The following COL7A1 variants were observed in gnomAD, a reference collection of about 807,000 sequenced individuals.
COL7A1 encodes the protein collagen type VII alpha 1 chain.
Under a neutral mutation model 456.2 loss-of-function variants are expected in COL7A1, and 296 were observed. That is an observed-to-expected ratio of 0.65 (90% confidence interval 0.59 to 0.71). COL7A1 has a LOEUF of 0.71. Ranked by LOEUF, COL7A1 falls within the 30% of genes least tolerant of loss-of-function variation. The probability of loss-of-function intolerance (pLI) is 0.00; values close to 1 mark genes in which losing one functional copy is unlikely to be tolerated. For synonymous variants in COL7A1, 1,464 were observed against 1,525.9 expected, an observed-to-expected ratio of 0.96 and a Z score of 0.95; for missense variants, 3,441 against 4,017.2, an observed-to-expected ratio of 0.86 and a Z score of 3.88.
At chr3:48,577,487 T>C (rs1173443394) in intron 65 of COL7A1, among the ~76,000 whole-genome samples, 1 of 152,248 alleles carries the variant, frequency 6.6e-6, no homozygotes, top group Non-Finnish European at 1.5e-5. Context: ...TTGGCATCTG[T>C]CTGCAACTCT....
rs148813404 is a variant in COL7A1, at chr3:48,579,790, C to T, written c.5149G>A (p.Glu1717Lys). 87 of 1,614,006 alleles carry T rather than the reference C, an allele frequency of 5.4e-5. No homozygotes were observed. The highest frequency in any genetic ancestry group is 6.5e-5 in the Non-Finnish European group (77 of 1,180,044). The change falls in exon 58 of 119, where the codon GAG becomes AAG. Residue 1717 changes from glutamate (E) to lysine (K), a missense_variant. By Grantham distance (56) the Glu-to-Lys change is moderately conservative. Coordinates refer to ENST00000681320, the MANE Select transcript of COL7A1 (RefSeq NM_000094.4). This position sits in a 1 kb window ranked among gnomAD's most constrained non-coding sequence, Gnocchi z 4.4. The part of the protein sequence containing the change: ...RLVDTGPGAR[E>K]KGEPGDRGQE... Reference sequence around the variant, plus strand: ...CCACCCACAGACCCTAATACCTTCTCTCTGGCTCCAGGTCCTGTGTCTACC... The same window carrying T: ...CCACCCACAGACCCTAATACCTTCTTTCTGGCTCCAGGTCCTGTGTCTACC...
Position 48,578,367 on chromosome 3 carries a change from T to C in COL7A1, c.5488-2A>G. The C allele has an allele frequency of 6.2e-7, 1 of 1,613,314 alleles. No individual in the cohort carries two copies. Among genetic ancestry groups the C allele is most frequent in the Non-Finnish European group, 8.5e-7 (1 of 1,179,996 alleles). On this transcript the variant is annotated splice_acceptor_variant, in intron 64 of 118. Transcript: ENST00000681320. LOFTEE classifies it high-confidence loss of function. The surrounding 1 kb of genome is among the most constrained non-coding windows in gnomAD (Gnocchi z 4.7). Reference sequence around the variant, plus strand: ...TTTGCCATCCTCGCCTGGCTTTCCCTGTGGGAACAGATCACTGGTTGGATG... The same window carrying C: ...TTTGCCATCCTCGCCTGGCTTTCCCCGTGGGAACAGATCACTGGTTGGATG...
chr3:48,567,382 C>T lies in COL7A1; in HGVS notation c.8046+192G>A, dbSNP rs990798516. 2.3e-5 allele frequency: 22 copies of T among 946,304 alleles called. No individual in the cohort carries two copies. The highest frequency in any genetic ancestry group is 2.8e-5 in the South Asian group (2 of 71,516). 58.6% of individuals were successfully genotyped at this position (946,304 alleles called of 1,614,324 possible). ...CCTGCCCTGATGCACATGCCCCCTC[C>T]ACCTCCCATGCTTTCATCCTAACTC... On this transcript the variant is annotated intron_variant, in intron 109 of 118. Transcript: ENST00000681320. The surrounding 1 kb of genome is among the most constrained non-coding windows in gnomAD (Gnocchi z 4.3).
Position 48,570,591 on chromosome 3 carries a change from C to T in COL7A1, c.7344+48G>A, listed in dbSNP as rs746359233. The T allele has an allele frequency of 9.9e-6, 16 of 1,612,466 alleles. No individual in the cohort carries two copies. Among genetic ancestry groups the T allele is most frequent in the East Asian group, 2.2e-5 (1 of 44,860 alleles). ...TGGCCCGCCCCATCCTAAGTCCTCA[C>T]GAGGACAGGAAATCAAATACGTGGG... On this transcript the variant is annotated intron_variant, in intron 96 of 118. Transcript: ENST00000681320. This position sits in a 1 kb window ranked among gnomAD's most constrained non-coding sequence, Gnocchi z 5.5.
At position 48,579,157 on chromosome 3, in the gene COL7A1, TA is replaced by T; in HGVS notation, c.5388+39del. On this transcript the variant is annotated intron_variant, in intron 62 of 118. Transcript: ENST00000681320. This position sits in a 1 kb window ranked among gnomAD's most constrained non-coding sequence, Gnocchi z 4.4. ...GGTCTAGGGTCCTCATGTGAAGGGG[TA>T]GGGGAAGGGGACAACCAGGCAGGAC... 1 of 1,605,966 alleles carries T rather than the reference TA, an allele frequency of 6.2e-7. No individual in the cohort carries two copies. Among genetic ancestry groups the T allele is most frequent in the Non-Finnish European group, 8.5e-7 (1 of 1,174,958 alleles).
chr3:48,570,479 G>C lies in COL7A1; in HGVS notation c.7366C>G (p.Leu2456Val). The change falls in exon 97 of 119, where the codon CTC becomes GTC. Residue 2456 changes from leucine (L) to valine (V), a missense_variant. Physicochemically the swap from Leu to Val is conservative, Grantham distance 32. This residue lies in a region of COL7A1 where 2,084 missense variants were observed against 2,501.3 expected (regional missense o/e 0.83). Transcript: ENST00000681320. This position sits in a 1 kb window ranked among gnomAD's most constrained non-coding sequence, Gnocchi z 5.5. Reference protein sequence around the residue: ...GSVGPPGASGLKGDKGDPGVG... With the variant: ...GSVGPPGASGVKGDKGDPGVG... Reference sequence around the variant, plus strand: ...GTCCCACCTACCTTGTCTCCTTTGAGTCCAGAGGCCCCAGGTGGTCCCTGT... The same window carrying C: ...GTCCCACCTACCTTGTCTCCTTTGACTCCAGAGGCCCCAGGTGGTCCCTGT... The C allele has an allele frequency of 6.2e-7, 1 of 1,614,080 alleles. No homozygotes were observed. Among genetic ancestry groups the C allele is most frequent in the Non-Finnish European group, 8.5e-7 (1 of 1,179,986 alleles).
Position 48,587,413 on chromosome 3 carries a change from C to T in COL7A1, c.2992+7G>A. 6.2e-7 allele frequency: 1 copy of T among 1,613,230 alleles called. No individual in the cohort carries two copies. The highest frequency in any genetic ancestry group is 1.1e-5 in the South Asian group (1 of 91,084). ...CCAGCCCACCCAAATCCTGGCCTCC[C>T]CCTCACCCTGGCCAGGGCCTCTGAG... On this transcript the variant is annotated splice_region_variant and intron_variant, in intron 23 of 118. Coordinates refer to ENST00000681320, the MANE Select transcript of COL7A1 (RefSeq NM_000094.4). This position sits in a 1 kb window ranked among gnomAD's most constrained non-coding sequence, Gnocchi z 6.1.
Position 48,587,072 on chromosome 3 carries a change from G to A in COL7A1, c.3176C>T (p.Pro1059Leu), listed in dbSNP as rs1013050712. 1.2e-6 allele frequency: 2 copies of A among 1,611,360 alleles called. No individual in the cohort carries two copies. Among genetic ancestry groups the A allele is most frequent in the Non-Finnish European group, 1.7e-6 (2 of 1,178,890 alleles). The change falls in exon 25 of 119, where the codon CCA (proline) becomes CTA (leucine). Residue 1059 changes from proline to leucine, a missense_variant. By Grantham distance (98) the Pro-to-Leu change is moderately conservative. Transcript: ENST00000681320. This position sits in a 1 kb window ranked among gnomAD's most constrained non-coding sequence, Gnocchi z 6.1. Reference sequence around the variant, plus strand: ...GTGAGCATTGTCTTGAGTGGCATGTGGTAGGAACACCACATCCGCCAGGCC... The same window carrying A: ...GTGAGCATTGTCTTGAGTGGCATGTAGTAGGAACACCACATCCGCCAGGCC... ...PRGLADVVFLPHATQDNAHRA... is the reference protein window; with the variant it reads ...PRGLADVVFLLHATQDNAHRA...
Position 48,589,412 on chromosome 3 carries a change from C to T in COL7A1, c.2229G>A (p.Leu743=), listed in dbSNP as rs1233017546. 17 of 1,613,620 alleles carry T rather than the reference C, an allele frequency of 1.1e-5. No homozygotes were observed. The highest frequency in any genetic ancestry group is 1.4e-5 in the Non-Finnish European group (16 of 1,180,026). Residue 743 remains leucine, a synonymous_variant, in exon 18 of 119, where the codon CTG becomes CTA. Transcript: ENST00000681320. ...GCACCGTATACTCAGTATCTGGCTC[C>T]AGTCCATCCAGCTCAGCCACCGTGG... ...GEATVAELDG[L]EPDTEYTVHV...
chr3:48,581,782 G>A lies in COL7A1; in HGVS notation c.4669-23C>T. On this transcript the variant is annotated intron_variant, in intron 48 of 118. Coordinates refer to ENST00000681320, the MANE Select transcript of COL7A1 (RefSeq NM_000094.4). The surrounding 1 kb of genome is among the most constrained non-coding windows in gnomAD (Gnocchi z 5.8). Reference sequence around the variant, plus strand: ...TCCCTGGAGGTGACAAAGACCATCAGTGCTAGTCCCAGGCTCCAGTTAACC... The same window carrying A: ...TCCCTGGAGGTGACAAAGACCATCAATGCTAGTCCCAGGCTCCAGTTAACC... 1 of 1,614,044 alleles carries A rather than the reference G, an allele frequency of 6.2e-7. No homozygotes were observed. Among genetic ancestry groups the A allele is most frequent in the Non-Finnish European group, 8.5e-7 (1 of 1,179,990 alleles).
chr3:48,587,357 T>C lies in COL7A1; in HGVS notation c.2993-21A>G. 9 of 1,611,542 alleles carry C rather than the reference T, an allele frequency of 5.6e-6. No individual in the cohort carries two copies. The highest frequency in any genetic ancestry group is 7.6e-6 in the Non-Finnish European group (9 of 1,179,222). On this transcript the variant is annotated intron_variant, in intron 23 of 118. Transcript: ENST00000681320. The surrounding 1 kb of genome is among the most constrained non-coding windows in gnomAD (Gnocchi z 6.1). ...CACTTCTGCAGGAGACAGAACTTGA[T>C]TAAAAAGCTGTCTCCACAGAGCCCC...
rs776367301 is a variant in COL7A1 at position 48,569,801 on chromosome 3, G to A, written c.7522-41C>T. On this transcript the variant is annotated intron_variant, in intron 100 of 118. Transcript: ENST00000681320. The surrounding 1 kb of genome is among the most constrained non-coding windows in gnomAD (Gnocchi z 4.9). ...GTGTGAGTCCCGCCCAAACTGGGGAGGCCCCGCACCTGAATTCTAATATCA... is the reference window on the plus strand; with the variant it reads ...GTGTGAGTCCCGCCCAAACTGGGGAAGCCCCGCACCTGAATTCTAATATCA... The A allele has an allele frequency of 3.7e-6, 6 of 1,613,998 alleles. No homozygotes were observed. In the African/African-American group the frequency reaches 6.7e-5, roughly 18 times the overall value.
chr3:48,587,703 G>GGTACA lies in COL7A1; in HGVS notation c.2857+85_2857+89dup. ...CCAGGGTCAGAGGGTGAGGGGTAGGGGTACAGGAGGAGTCACTCAGAGTCG... is the reference window on the plus strand; with the variant it reads ...CCAGGGTCAGAGGGTGAGGGGTAGGGGTACAGTACAGGAGGAGTCACTCAGAGTCG... On this transcript the variant is annotated intron_variant, in intron 22 of 118. Transcript: ENST00000681320. The surrounding 1 kb of genome is among the most constrained non-coding windows in gnomAD (Gnocchi z 6.1). 3 of 1,604,634 alleles carry GGTACA rather than the reference G, an allele frequency of 1.9e-6. No homozygotes were observed. Among genetic ancestry groups the GGTACA allele is most frequent in the Non-Finnish European group, 2.6e-6 (3 of 1,172,342 alleles).
Position 48,587,493 on chromosome 3 carries a change from A to G in COL7A1, c.2919T>C (p.Thr973=), listed in dbSNP as rs2107757458. The change falls in exon 23 of 119, where the codon ACT becomes ACC. Residue 973 remains threonine (T), a synonymous_variant. Coordinates refer to ENST00000681320, the MANE Select transcript of COL7A1 (RefSeq NM_000094.4). This position sits in a 1 kb window ranked among gnomAD's most constrained non-coding sequence, Gnocchi z 6.1. ...CCCTGGACACTGGAGTCCAGGCCAA[A>G]GTCACCGAGTCGATCGAGGTGTCCA... ...RVVDTSIDSV[T]LAWTPVSRAS... is the part of the protein sequence containing the mutation. 1 of 1,613,402 alleles carries G rather than the reference A, an allele frequency of 6.2e-7. No individual in the cohort carries two copies. The highest frequency in any genetic ancestry group is 8.5e-7 in the Non-Finnish European group (1 of 1,180,028).
chr3:48,579,362 C>T lies in COL7A1; in HGVS notation c.5307+7G>A, dbSNP rs116455408. 6.2e-7 allele frequency: 1 copy of T among 1,614,092 alleles called. No individual in the cohort carries two copies. Among genetic ancestry groups the T allele is most frequent in the African/African-American group, 1.3e-5 (1 of 74,942 alleles). On this transcript the variant is annotated splice_region_variant and intron_variant, in intron 61 of 118. Transcript: ENST00000681320. This position sits in a 1 kb window ranked among gnomAD's most constrained non-coding sequence, Gnocchi z 4.4. Reference sequence around the variant, plus strand: ...TCATGTCCTGAGAAACCCCCACACCCTCTCACCTTTTCTCCTGCTGGGCCT... The same window carrying T: ...TCATGTCCTGAGAAACCCCCACACCTTCTCACCTTTTCTCCTGCTGGGCCT...
At position 48,595,066 on chromosome 3, in the gene COL7A1, G is replaced by A. The variant is rs756865365; in HGVS notation, c.85+9C>T. ...TGCCCCGGGCCGGGTCCTCCCTTGC[G>A]GTGCCCACCTCTCTCCCTGTGCTGG... On this transcript the variant is annotated intron_variant, in intron 2 of 118. Transcript: ENST00000681320. The A allele has an allele frequency of 1.3e-6, 2 of 1,547,334 alleles. No homozygotes were observed. Among genetic ancestry groups the A allele is most frequent in the Non-Finnish European group, 1.7e-6 (2 of 1,145,746 alleles).
At position 48,580,140 on chromosome 3, in the gene COL7A1, C is replaced by T; in HGVS notation, c.5098-83G>A. ...GGTTTGCCCCAGGCTCAACTCTGCC[C>T]CCAAGTTCCCCGAAGCACCCCAATG... On this transcript the variant is annotated intron_variant, in intron 56 of 118. Coordinates refer to ENST00000681320, the MANE Select transcript of COL7A1 (RefSeq NM_000094.4). The surrounding 1 kb of genome is among the most constrained non-coding windows in gnomAD (Gnocchi z 4.5). 1.9e-6 allele frequency: 3 copies of T among 1,576,774 alleles called. No individual in the cohort carries two copies. Among genetic ancestry groups the T allele is most frequent in the Non-Finnish European group, 2.6e-6 (3 of 1,152,492 alleles).
rs753618163 is a variant in COL7A1, at chr3:48,584,553, C to A, written c.4051G>T (p.Ala1351Ser). The A allele has an allele frequency of 1.6e-5, 26 of 1,613,962 alleles. No individual in the cohort carries two copies. Among genetic ancestry groups the A allele is most frequent in the Admixed American group, 3.3e-5 (2 of 60,002 alleles). ...TCACCTCCGATGACTTGTCCGGGAG[C>A]CCCCTGTAAGGACAGAGAGCAGTGG... ...GPRGPKGEPG[A>S]PGQVIGGEGP... Residue 1351 changes from alanine (A) to serine (S), a missense_variant, in exon 36 of 119, where the codon GCT becomes TCT. Coordinates refer to ENST00000681320, the MANE Select transcript of COL7A1 (RefSeq NM_000094.4).
chr3:48,576,402 G>A lies in COL7A1; in HGVS notation c.5770C>T (p.Gln1924Ter), dbSNP rs1219835354. 6.2e-7 allele frequency: 1 copy of A among 1,613,774 alleles called. No homozygotes were observed. Among genetic ancestry groups the A allele is most frequent in the East Asian group, 2.2e-5 (1 of 44,854 alleles). Residue 1924 changes from glutamine to a stop codon, truncating the protein, a stop_gained and splice_region_variant, in exon 70 of 119, where the codon CAG (glutamine) becomes TAG (stop). Transcript: ENST00000681320. LOFTEE classifies it high-confidence loss of function. Reference sequence around the variant, plus strand: ...TGTGGAAAAGGTGGGGGCCTCACCTGCTCCCCTTTGGATCCAGTCTCCCCA... The same window carrying A: ...TGTGGAAAAGGTGGGGGCCTCACCTACTCCCCTTTGGATCCAGTCTCCCCA... ...DRGETGSKGE[Q>*]GLPGERGLRG...
Sources: allele counts gnomAD v4.1 joint callset (sites outside exome capture counted in the v4.1 genomes callset), GRCh38; gene constraint gnomAD v4.1.1; regional missense constraint gnomAD v4.1.1; non-coding constraint Gnocchi (gnomAD v3.1); transcripts MANE v1.5; gene names NCBI Gene and HGNC (gene_info 2026-07-23, HGNC 2026-07-21).